Variants in DLGAP2 observed in about 807,000 individuals in gnomAD.
DLGAP2 encodes the protein disks large-associated protein 2.
DLGAP2 carries 26 observed loss-of-function variants against 100.3 expected under a neutral mutation model. That is an observed-to-expected ratio of 0.26 (90% CI 0.19 to 0.36). The LOEUF is 0.36. Ranked by LOEUF, DLGAP2 falls within the 10% of genes least tolerant of loss-of-function variation. The pLI, the probability that DLGAP2 is intolerant of heterozygous loss-of-function variation, is 1.00. For synonymous variants in DLGAP2, 886 were observed against 630.1 expected (o/e 1.41, Z -6.08); for missense variants, 1,858 against 1,453.2 (o/e 1.28, Z -4.53).
intron 2 of DLGAP2, among the ~76,000 whole-genome samples, chr8:1,125,359 A>G (rs545397241): frequency 2.0e-5 from 3 of 152,222 alleles, no homozygotes; most frequent in Non-Finnish European, 2.9e-5. Context: ...GATCTTGATC[A>G]AATTTTTTTT....
intron 3 of DLGAP2, among the ~76,000 whole-genome samples, chr8:1,391,015 T>C (rs1796339153): frequency 1.3e-5 from 2 of 152,138 alleles, no homozygotes; most frequent in African/African-American, 4.8e-5. Flanking sequence ...GAACCCCCCA[T>C]GTGGGGTCAT....
chr8:1,429,109 T>C (rs1397427607), intron 3 of DLGAP2, among the ~76,000 whole-genome samples: 1 of 152,214 alleles, frequency 6.6e-6, no homozygotes, highest in Non-Finnish European at 1.5e-5. Flanking sequence ...AAGTTGTTCC[T>C]GGAAACAAAA....
At chr8:1,195,053 G>A (rs189443252) in intron 2 of DLGAP2, among the ~76,000 whole-genome samples, 35 of 152,354 alleles carry the variant, frequency 2.3e-4, no homozygotes, top group East Asian at 7.7e-4. Flanking sequence ...TTTCAGAGGC[G>A]TCCGCCCCAG....
chr8:1,522,374 G>T (rs1391136133), intron 4 of DLGAP2, among the ~76,000 whole-genome samples: 1 of 152,212 alleles, frequency 6.6e-6, no homozygotes, highest in African/African-American at 2.4e-5. Flanking sequence ...AAGCTGGCAG[G>T]TGTGCAGCAG....
intron 3 of DLGAP2, among the ~76,000 whole-genome samples, chr8:1,500,165 C>T (rs1028762366): frequency 6.6e-6 from 1 of 152,248 alleles, no homozygotes; most frequent in African/African-American, 2.4e-5. Context: ...TCTGATACCC[C>T]ATAAATAACA....
intron 6 of DLGAP2, among the ~76,000 whole-genome samples, chr8:1,624,397 G>A (rs1401912583): frequency 5.9e-5 from 9 of 151,964 alleles, no homozygotes; most frequent in Admixed American, 5.2e-4. Context: ...CACTGCTCGG[G>A]CTCCATAGCT....
rs189619934 is a variant in DLGAP2, at chr8:758,195, G to T, written c.18+20370G>T. On this transcript the variant is annotated intron_variant, in intron 1 of 14. Transcript: ENST00000637795. ...GGACAGTGAAGCCAGGACTGATGGA[G>T]GGGCCCCTGTATTGTGAGCAATATT... is the stretch of plus-strand genomic sequence containing the variant. Among the ~76,000 whole-genome samples the T allele has an allele frequency of 6.0e-4, 91 of 152,308 alleles. 1 individual carries two copies. Among genetic ancestry groups the T allele is most frequent in the African/African-American group, 2.0e-3 (84 of 41,566 alleles).
chr8:1,664,886 C>T (rs986603896), intron 8 of DLGAP2, among the ~76,000 whole-genome samples: 1 of 152,206 alleles, frequency 6.6e-6, no homozygotes, highest in Non-Finnish European at 1.5e-5. Flanking sequence ...TTAGAAAGAG[C>T]ATCATGTCTT....
chr8:1,223,882 GCAAA>G (rs988857968), intron 2 of DLGAP2, among the ~76,000 whole-genome samples: 6 of 152,198 alleles, frequency 3.9e-5, no homozygotes, highest in African/African-American at 1.4e-4. Flanking sequence ...CTGTTCTCTA[GCAAA>G]CAATGTGTGA....
In DLGAP2 at chr8:795,115, C is replaced by G. The variant is rs556396089; in HGVS notation, c.18+57290C>G. ...CATTTTCTCAAGTAACCATCTGGCTCCAGTGGGTTTTCGTTATTAACAGCA... is the reference window on the plus strand; with the variant it reads ...CATTTTCTCAAGTAACCATCTGGCTGCAGTGGGTTTTCGTTATTAACAGCA... On this transcript the variant is annotated intron_variant, in intron 1 of 14. Transcript: ENST00000637795. 1.5e-3 allele frequency among the ~76,000 whole-genome samples: 221 copies of G among 152,330 alleles called. 3 individuals are homozygous for G. Among genetic ancestry groups the G allele is most frequent in the African/African-American group, 5.2e-3 (216 of 41,574 alleles).
intron 2 of DLGAP2, among the ~76,000 whole-genome samples, chr8:1,050,459 C>G (rs952800650): frequency 6.6e-6 from 1 of 152,140 alleles, no homozygotes; most frequent in Non-Finnish European, 1.5e-5. Flanking sequence ...TCACGCTGGG[C>G]AAAGCTGAGC....
intron 2 of DLGAP2, among the ~76,000 whole-genome samples, chr8:1,200,749 G>A (rs1020645718): frequency 3.3e-5 from 5 of 151,568 alleles, no homozygotes; most frequent in African/African-American, 1.2e-4. Context: ...GACTTACAGA[G>A]CTGTAATAAC....
At position 740,914 on chromosome 8, in the gene DLGAP2, A is replaced by G. The variant is rs1034420936; in HGVS notation, c.18+3089A>G. On this transcript the variant is annotated intron_variant, in intron 1 of 14. Transcript: ENST00000637795. Reference sequence around the variant, plus strand: ...TTCATTGGATACAATAAAAATAACTATGATTCATCATTTTGGCCAGATGGG... The same window carrying G: ...TTCATTGGATACAATAAAAATAACTGTGATTCATCATTTTGGCCAGATGGG... Among the ~76,000 whole-genome samples the G allele has an allele frequency of 2.0e-5, 3 of 152,294 alleles. No individual in the cohort carries two copies. The South Asian group carries it at 6.2e-4, about 32-fold the overall frequency.
At chr8:1,656,886 C>A (rs1424378039) in intron 8 of DLGAP2, among the ~76,000 whole-genome samples, 1 of 152,164 alleles carries the variant, frequency 6.6e-6, no homozygotes, top group Non-Finnish European at 1.5e-5. Context: ...CAGAGTGACA[C>A]CAACTTATGC....
chr8:945,578 C>G (rs1001095273), intron 2 of DLGAP2, among the ~76,000 whole-genome samples: 1 of 152,176 alleles, frequency 6.6e-6, no homozygotes, highest in African/African-American at 2.4e-5. Context: ...GCCCGGAGAA[C>G]AGCTAAAAAC....
intron 2 of DLGAP2, among the ~76,000 whole-genome samples, chr8:1,015,128 C>T (rs1245521489): frequency 6.7e-5 from 1 of 14,922 alleles, no homozygotes; most frequent in African/African-American, 5.6e-4. Context: ...CCAGGACAGA[C>T]GATGCCTCCA....
chr8:1,154,749 T>G lies in DLGAP2; in HGVS notation c.74-104102T>G, dbSNP rs1869033. Among the ~76,000 whole-genome samples, 5 of 151,980 alleles carry G rather than the reference T, an allele frequency of 3.3e-5. No individual in the cohort carries two copies. The East Asian group carries it at 9.7e-4, about 30-fold the overall frequency. ...GGAGTCGGTCAGGATTTCCAGTCCTTACTGTGGCCGGGCACCCTCTATAGT... is the reference window on the plus strand; with the variant it reads ...GGAGTCGGTCAGGATTTCCAGTCCTGACTGTGGCCGGGCACCCTCTATAGT... On this transcript the variant is annotated intron_variant, in intron 2 of 14. Coordinates refer to ENST00000637795, the MANE Select transcript of DLGAP2 (RefSeq NM_001346810.2).
intron 1 of DLGAP2, among the ~76,000 whole-genome samples, chr8:906,472 G>A (rs1798383092): frequency 6.6e-6 from 1 of 152,224 alleles, no homozygotes. Context: ...GGGCATGGCT[G>A]TGGAATGAGA....
chr8:1,441,628 C>G (rs1418565046), intron 3 of DLGAP2, among the ~76,000 whole-genome samples: 1 of 147,004 alleles, frequency 6.8e-6, no homozygotes, highest in African/African-American at 2.5e-5. Flanking sequence ...GCGGAGGTTG[C>G]AGTGAGCCGA....
Sources: gnomAD v4.1 joint callset for allele counts (sites outside exome capture counted in the v4.1 genomes callset) on GRCh38, gnomAD v4.1.1 for gene constraint, MANE v1.5 for transcripts, NCBI Gene and HGNC (gene_info 2026-07-23, HGNC 2026-07-21) for gene names.